Variants in LMTK2 observed in about 807,000 individuals in gnomAD.
LMTK2 encodes serine/threonine-protein kinase LMTK2.
LMTK2 carries 37 observed loss-of-function variants against 127.5 expected under a neutral mutation model. That is an observed-to-expected ratio of 0.29 (90% confidence interval 0.22 to 0.38). LMTK2 has a LOEUF of 0.38. Ranked by LOEUF, LMTK2 falls within the 10% of genes least tolerant of loss-of-function variation. The pLI is 1.00. For synonymous variants in LMTK2, 819 were observed against 810.1 expected (o/e 1.01, Z -0.19); for missense variants, 1,694 against 1,920.3 (o/e 0.88, Z 2.20).
At chr7:98,158,198 G>A (rs1406143997) in intron 5 of LMTK2, among the ~76,000 whole-genome samples, 2 of 152,210 alleles carry the variant, frequency 1.3e-5, no homozygotes, top group African/African-American at 4.8e-5. Flanking sequence ...TTATGGAAAA[G>A]AATGTATAAG....
intron 12 of LMTK2, 46 bp from the exon 13 acceptor site, chr7:98,203,898 C>T: frequency 6.2e-7 from 1 of 1,606,892 alleles, no homozygotes; most frequent in South Asian, 1.1e-5. Flanking sequence ...CCCTCTCCCT[C>T]ATCACGCAGT....
chr7:98,153,893 A>G (rs1796891192), intron 4 of LMTK2, among the ~76,000 whole-genome samples: 2 of 152,078 alleles, frequency 1.3e-5, no homozygotes, highest in South Asian at 4.2e-4. Context: ...GATTTAGTTA[A>G]TTATCAGAAT....
chr7:98,115,779 C>T (rs1303071674), intron 1 of LMTK2, among the ~76,000 whole-genome samples: 2 of 152,136 alleles, frequency 1.3e-5, no homozygotes, highest in Admixed American at 6.5e-5. Flanking sequence ...CAGAGCAAGA[C>T]TCCATCTCAA....
chr7:98,168,465 G>A (rs1450219683), intron 6 of LMTK2, among the ~76,000 whole-genome samples: 2 of 152,170 alleles, frequency 1.3e-5, no homozygotes, highest in African/African-American at 2.4e-5. Flanking sequence ...CAGAAGCGGG[G>A]GTGTTGCGCT....
intron 1 of LMTK2, among the ~76,000 whole-genome samples, chr7:98,124,175 G>A (rs754772122): frequency 6.6e-6 from 1 of 152,074 alleles, no homozygotes; most frequent in Non-Finnish European, 1.5e-5. Context: ...GATTGGAGGT[G>A]TGCTCCATGT....
At position 98,194,670 on chromosome 7, in the gene LMTK2, T is replaced by C. The variant is rs1797599621; in HGVS notation, c.4107+98T>C. ...GTGGTCTGTTTTCTAGTTGCCATTT[T>C]GAGGCAGCAGATTGTGATTACTCAC... On this transcript the variant is annotated intron_variant, in intron 11 of 13. Transcript: ENST00000297293. The surrounding 1 kb of genome is among the most constrained non-coding windows in gnomAD (Gnocchi z 5.4). The C allele has an allele frequency of 8.9e-7, 1 of 1,127,892 alleles. No homozygotes were observed. Among genetic ancestry groups the C allele is most frequent in the African/African-American group, 1.6e-5 (1 of 64,136 alleles). 69.9% of individuals were successfully genotyped at this position (1,127,892 alleles called of 1,614,324 possible).
intron 7 of LMTK2, among the ~76,000 whole-genome samples, chr7:98,180,392 A>G (rs1797338123): frequency 6.6e-6 from 1 of 152,212 alleles, no homozygotes; most frequent in South Asian, 2.1e-4. Context: ...TTCTATTTTA[A>G]TTTAATGGCT....
intron 1 of LMTK2, among the ~76,000 whole-genome samples, chr7:98,114,406 A>T (rs1340918408): frequency 6.6e-6 from 1 of 151,696 alleles, no homozygotes; most frequent in Non-Finnish European, 1.5e-5. Flanking sequence ...TGCCTGACTG[A>T]TGTAAAACAT....
At chr7:98,187,530 T>C (rs1797455085) in intron 9 of LMTK2, among the ~76,000 whole-genome samples, 1 of 152,162 alleles carries the variant, frequency 6.6e-6, no homozygotes, top group South Asian at 2.1e-4. Context: ...TTTGCTTTTA[T>C]TATTTTTTTC....
At position 98,171,997 on chromosome 7, in the gene LMTK2, A is replaced by G. The variant is rs1026138267; in HGVS notation, c.791+323A>G. 2.0e-5 allele frequency among the ~76,000 whole-genome samples: 3 copies of G among 152,174 alleles called. No individual in the cohort carries two copies. Among genetic ancestry groups the G allele is most frequent in the African/African-American group, 7.2e-5 (3 of 41,434 alleles). The stretch of plus-strand genomic sequence containing the variant: ...ACCTCGCGTGTTTCATCCTTGCCAC[A>G]CCAGCTTTAGGCTTCTGGTGCCACC... On this transcript the variant is annotated intron_variant, in intron 7 of 13. Coordinates refer to ENST00000297293, the MANE Select transcript of LMTK2 (RefSeq NM_014916.4). This position sits in a 1 kb window ranked among gnomAD's most constrained non-coding sequence, Gnocchi z 5.1.
intron 13 of LMTK2, 112 bp downstream of exon 13, chr7:98,204,298 C>A: frequency 1.5e-6 from 2 of 1,375,364 alleles, no homozygotes; most frequent in Non-Finnish European, 2.0e-6. Context: ...TTCACATTTG[C>A]TGAGTAGATT....
chr7:98,109,563 G>A (rs750912575), intron 1 of LMTK2, among the ~76,000 whole-genome samples: 1 of 151,996 alleles, frequency 6.6e-6, no homozygotes, highest in East Asian at 1.9e-4. Flanking sequence ...GACCAACATG[G>A]TGAAATTCCC....
intron 11 of LMTK2, among the ~76,000 whole-genome samples, chr7:98,200,053 G>A (rs1031501214): frequency 2.0e-5 from 3 of 151,732 alleles, no homozygotes; most frequent in Non-Finnish European, 4.4e-5. Flanking sequence ...TTAATAAATT[G>A]AACATTTTTA....
chr7:98,148,865 T>G (rs1277118077), intron 3 of LMTK2, among the ~76,000 whole-genome samples: 3 of 152,214 alleles, frequency 2.0e-5, no homozygotes, highest in African/African-American at 7.2e-5. Context: ...GTGTTCTTCC[T>G]CAGCCTTTCT....
rs1016091068 is a variant in LMTK2, at chr7:98,192,620, T to C, written c.2155T>C (p.Leu719=). 1.2e-6 allele frequency: 2 copies of C among 1,613,080 alleles called. No homozygotes were observed. Among genetic ancestry groups the C allele is most frequent in the African/African-American group, 1.3e-5 (1 of 75,002 alleles). The change falls in exon 11 of 14, where the codon TTG becomes CTG. Residue 719 remains leucine, a synonymous_variant. Coordinates refer to ENST00000297293, the MANE Select transcript of LMTK2 (RefSeq NM_014916.4). ...DNFDPLNVQE[L]SENFLFLQEK... ...TTTTGATCCATTGAATGTTCAAGAA[T>C]TGTCAGAAAACTTTTTATTTCTTCA...
chr7:98,179,890 A>T (rs968427262), intron 7 of LMTK2, among the ~76,000 whole-genome samples: 5 of 152,222 alleles, frequency 3.3e-5, no homozygotes, highest in Non-Finnish European at 5.9e-5. Context: ...CAGCAGCTCC[A>T]AGTGTCACTG....
At chr7:98,159,479 GT>G in intron 6 of LMTK2, 54 bp downstream of exon 6, 2 of 1,203,312 alleles carry the variant, frequency 1.7e-6, no homozygotes, top group Non-Finnish European at 2.5e-6. Context: ...GTATTCAAGT[GT>G]TTTTGACAGA....
chr7:98,138,888 G>C (rs538628520), intron 2 of LMTK2, among the ~76,000 whole-genome samples: 1 of 152,276 alleles, frequency 6.6e-6, no homozygotes, highest in South Asian at 2.1e-4. Context: ...CTGGCGCAGG[G>C]GCCGCAGTGT....
chr7:98,171,679 G>GT lies in LMTK2; in HGVS notation c.791+6dup. On this transcript the variant is annotated splice_donor_region_variant and intron_variant, in intron 7 of 13. Transcript: ENST00000297293. The surrounding 1 kb of genome is among the most constrained non-coding windows in gnomAD (Gnocchi z 5.1). ...CAAGCTGCACTTCCTGCACAGGTGG[G>GT]TACCTGCGTCAGCGGTGCACGCCCC... The GT allele has an allele frequency of 2.5e-6, 4 of 1,573,252 alleles. No individual in the cohort carries two copies. Among genetic ancestry groups the GT allele is most frequent in the Non-Finnish European group, 3.4e-6 (4 of 1,160,752 alleles).
Sources: gnomAD v4.1 joint callset for allele counts (sites outside exome capture counted in the v4.1 genomes callset) on GRCh38, gnomAD v4.1.1 for gene constraint, Gnocchi (gnomAD v3.1) non-coding constraint, MANE v1.5 for transcripts, NCBI Gene and HGNC (gene_info 2026-07-23, HGNC 2026-07-21) for gene names.